Variants in ADHFE1 observed in about 807,000 individuals in gnomAD.
The protein encoded by ADHFE1 is hydroxyacid-oxoacid transhydrogenase, mitochondrial.
Under a neutral mutation model 54.8 loss-of-function variants are expected in ADHFE1, and 37 were observed. The observed-to-expected ratio is 0.68, with a 90% CI of 0.52 to 0.89. The LOEUF (loss-of-function observed/expected upper bound fraction) is 0.89. Ranked by LOEUF, ADHFE1 falls within the 40% of genes least tolerant of loss-of-function variation. ADHFE1 has a pLI of 0.00. For missense variants in ADHFE1, 601 were observed against 591.2 expected (o/e 1.02, Z -0.17); for synonymous variants, 203 against 229.3 (o/e 0.89, Z 1.04).
chr8:66,441,740 T>C (rs1422650709), intron 2 of ADHFE1, among the ~76,000 whole-genome samples: 1 of 152,118 alleles, frequency 6.6e-6, no homozygotes. Context: ...CTCACACCCA[T>C]AATCCTAGGA....
intron 3 of ADHFE1, 37 bp from the exon 4 acceptor site, chr8:66,444,330 A>C (rs1200307488): frequency 9.3e-6 from 15 of 1,605,224 alleles, no homozygotes; most frequent in Non-Finnish European, 1.3e-5. Context: ...CCAACTCTCA[A>C]ATACTCCCTA....
intron 13 of ADHFE1, among the ~76,000 whole-genome samples, chr8:66,461,267 A>G (rs1328222857): frequency 1.3e-5 from 2 of 152,168 alleles, no homozygotes; most frequent in Non-Finnish European, 2.9e-5. Context: ...CTTGGCCAAT[A>G]TGGGAAAGGC....
intron 13 of ADHFE1, among the ~76,000 whole-genome samples, chr8:66,464,919 T>A: frequency 6.6e-6 from 1 of 152,218 alleles, no homozygotes; most frequent in East Asian, 1.9e-4. Context: ...TTTCTGTCTC[T>A]ATGAATTTGC....
At chr8:66,453,843 A>C in intron 9 of ADHFE1, 1 of 1,482,272 alleles carries the variant, frequency 6.7e-7, no homozygotes, top group Admixed American at 1.9e-5. Context: ...CTGACAGCGT[A>C]TTTATTATGC....
At chr8:66,433,774 C>A (rs1367802139) in intron 1 of ADHFE1, among the ~76,000 whole-genome samples, 1 of 152,240 alleles carries the variant, frequency 6.6e-6, no homozygotes, top group East Asian at 1.9e-4. Context: ...TTGAGAAGCT[C>A]CTTACTGCTG....
intron 6 of ADHFE1, 56 bp from the exon 7 acceptor site, chr8:66,447,208 A>G: frequency 6.7e-7 from 1 of 1,492,190 alleles, no homozygotes; most frequent in African/African-American, 1.4e-5. Context: ...TGAATTAGGT[A>G]TCTCCACTAA....
rs185911414 is a variant in ADHFE1 at position 66,453,283 on chromosome 8, A to G, written c.888-776A>G. On this transcript the variant is annotated intron_variant, in intron 9 of 13. Coordinates refer to ENST00000396623, the MANE Select transcript of ADHFE1 (RefSeq NM_144650.3). ...TTCAGAAAGGAGGCAGGAACACCCA[A>G]CCATTCCACATGAAAGGAACATTTC... 1.4e-3 allele frequency among the ~76,000 whole-genome samples: 219 copies of G among 152,364 alleles called. 1 individual carries two copies. The highest frequency in any genetic ancestry group is 2.4e-3 in the Non-Finnish European group (165 of 68,028).
chr8:66,468,315 TG>T lies in ADHFE1; in HGVS notation c.1369del (p.Ala457LeufsTer8). The T allele has an allele frequency of 6.2e-7, 1 of 1,613,572 alleles. No individual in the cohort carries two copies. Among genetic ancestry groups the T allele is most frequent in the Non-Finnish European group, 8.5e-7 (1 of 1,179,682 alleles). On this transcript the variant is annotated frameshift_variant, in exon 14 of 14. Coordinates refer to ENST00000396623, the MANE Select transcript of ADHFE1 (RefSeq NM_144650.3). LOFTEE classifies it high-confidence loss of function. ...CCCTGTCCCCAGTCAGAAGAGGATCTGGCTGCTCTGTTTGAAGCTTCAATGA... is the reference window on the plus strand; with the variant it reads ...CCCTGTCCCCAGTCAGAAGAGGATCTGCTGCTCTGTTTGAAGCTTCAATGA... ...LAPCPQSEED[L>X]AALFEASMKL...
Position 66,442,830 on chromosome 8 carries a change from G to T in ADHFE1, c.130G>T (p.Asp44Tyr). The change falls in exon 3 of 14, where the codon GAT becomes TAT. Residue 44 changes from aspartate to tyrosine, a missense_variant. Transcript: ENST00000396623. Reference sequence around the variant, plus strand: ...ACTTTCACCTTCTGGGAAAACAACAGATTATGCCTTTGAGGTATATTCACT... The same window carrying T: ...ACTTTCACCTTCTGGGAAAACAACATATTATGCCTTTGAGGTATATTCACT... Reference protein sequence around the residue: ...PGLSPSGKTTDYAFEMAVSNI... With the variant: ...PGLSPSGKTTYYAFEMAVSNI... 4 of 1,595,720 alleles carry T rather than the reference G, an allele frequency of 2.5e-6. No individual in the cohort carries two copies. Among genetic ancestry groups the T allele is most frequent in the Non-Finnish European group, 3.4e-6 (4 of 1,175,234 alleles).
At chr8:66,454,221 A>G in intron 10 of ADHFE1, 64 bp downstream of exon 10, 1 of 1,529,970 alleles carries the variant, frequency 6.5e-7, no homozygotes, top group South Asian at 1.2e-5. Context: ...TTTAATGTTT[A>G]TAATTCAGGA....
Position 66,439,228 on chromosome 8 carries a change from A to C in ADHFE1, c.60-934A>C, listed in dbSNP as rs1361347073. On this transcript the variant is annotated intron_variant, in intron 1 of 13. Transcript: ENST00000396623. The surrounding 1 kb of genome is among the most constrained non-coding windows in gnomAD (Gnocchi z 4.4). Reference sequence around the variant, plus strand: ...CCCAACCTTCCCCCTCGGGTGTTTTAATTCCAGATTTGAATTTTTGGCGGG... The same window carrying C: ...CCCAACCTTCCCCCTCGGGTGTTTTCATTCCAGATTTGAATTTTTGGCGGG... 1.0e-6 allele frequency: 1 copy of C among 985,334 alleles called. No homozygotes were observed. The highest frequency in any genetic ancestry group is 1.7e-5 in the African/African-American group (1 of 57,226). 61.0% of individuals were successfully genotyped at this position (985,334 alleles called of 1,614,324 possible). A position where few individuals can be genotyped will look rare whatever the true frequency, so the allele number is the denominator to read the frequency against.
chr8:66,453,346 A>G (rs55878528), intron 9 of ADHFE1, among the ~76,000 whole-genome samples: 58,354 of 152,074 alleles, frequency 0.38, 12,034 homozygotes, highest in South Asian at 0.51. Context: ...TTTTTATTTC[A>G]CCACAGGAAC....
chr8:66,461,366 G>T (rs1263758308), intron 13 of ADHFE1, among the ~76,000 whole-genome samples: 4 of 152,148 alleles, frequency 2.6e-5, no homozygotes, highest in Non-Finnish European at 2.9e-5. Flanking sequence ...AGAGTTAGCA[G>T]CTGAAACATC....
At chr8:66,461,407 G>C (rs1035881487) in intron 13 of ADHFE1, among the ~76,000 whole-genome samples, 2 of 152,094 alleles carry the variant, frequency 1.3e-5, no homozygotes, top group Non-Finnish European at 2.9e-5. Flanking sequence ...TGCCACAAGT[G>C]CTGGTGCTTT....
At position 66,446,207 on chromosome 8, in the gene ADHFE1, G is replaced by A. The variant is rs530160934; in HGVS notation, c.550+793G>A. On this transcript the variant is annotated intron_variant, in intron 6 of 13. Transcript: ENST00000396623. Reference sequence around the variant, plus strand: ...GTGAATGAGGGATCAGCAGGGAGCAGCATAATTGGTGTCTGGCAAATGGAA... The same window carrying A: ...GTGAATGAGGGATCAGCAGGGAGCAACATAATTGGTGTCTGGCAAATGGAA... 4.6e-4 allele frequency among the ~76,000 whole-genome samples: 70 copies of A among 152,304 alleles called. 1 individual carries two copies. The highest frequency in any genetic ancestry group is 1.3e-3 in the African/African-American group (54 of 41,564).
chr8:66,445,543 C>T (rs1586453387), intron 6 of ADHFE1, 129 bp downstream of exon 6: 1 of 856,524 alleles, frequency 1.2e-6, no homozygotes, highest in East Asian at 2.7e-5. Context: ...AAATCAATGC[C>T]TTGTTTGGAG....
At chr8:66,446,893 C>T (rs1005070011) in intron 6 of ADHFE1, among the ~76,000 whole-genome samples, 3 of 152,192 alleles carry the variant, frequency 2.0e-5, no homozygotes, top group Admixed American at 6.5e-5. Context: ...AGTCATGATA[C>T]ATGTCAAACA....
Position 66,439,867 on chromosome 8 carries a change from A to C in ADHFE1, c.60-295A>C. The C allele has an allele frequency of 1.2e-6, 1 of 860,012 alleles. No individual in the cohort carries two copies. The highest frequency in any genetic ancestry group is 1.5e-6 in the Non-Finnish European group (1 of 649,258). 53.3% of individuals were successfully genotyped at this position (860,012 alleles called of 1,614,324 possible). ...CCAGAGACCCCCATCTTAAACTTGC[A>C]TGTACCCCCAGAGCGTTTATCTCAG... is the stretch of plus-strand genomic sequence containing the variant. On this transcript the variant is annotated intron_variant, in intron 1 of 13. Transcript: ENST00000396623. This position sits in a 1 kb window ranked among gnomAD's most constrained non-coding sequence, Gnocchi z 4.4.
At chr8:66,444,519 G>A in intron 4 of ADHFE1, 75 bp from the exon 5 acceptor site, 2 of 1,607,778 alleles carry the variant, frequency 1.2e-6, no homozygotes, top group East Asian at 4.5e-5. Flanking sequence ...TTTTAAAAAT[G>A]TACAACGTGA....
Sources: gnomAD v4.1 joint callset for allele counts (sites outside exome capture counted in the v4.1 genomes callset) on GRCh38, gnomAD v4.1.1 for gene constraint, Gnocchi (gnomAD v3.1) non-coding constraint, MANE v1.5 for transcripts, NCBI Gene and HGNC (gene_info 2026-07-23, HGNC 2026-07-21) for gene names.